Variants in CIMIP1 observed in about 807,000 individuals in gnomAD.
The protein encoded by CIMIP1 is low in lung cancer 1.
chr20:58,151,011 T>C, the CIMIP1 span: 2 of 1,608,898 alleles, frequency 1.2e-6, no homozygotes, highest in East Asian at 2.2e-5. Context: ...CGCATGAACC[T>C]TGTGGGTCAG....
the CIMIP1 span, among the ~76,000 whole-genome samples, chr20:58,159,755 T>C: frequency 2.4e-4 from 36 of 152,196 alleles, no homozygotes; most frequent in African/African-American, 8.7e-4. Flanking sequence ...CAATTTTACT[T>C]GTAGCTGGTT....
the CIMIP1 span, among the ~76,000 whole-genome samples, chr20:58,157,816 C>T: frequency 6.6e-6 from 1 of 152,220 alleles, no homozygotes; most frequent in Non-Finnish European, 1.5e-5. Context: ...GGAGCTCGCT[C>T]TCCTGTGGCC....
chr20:58,153,768 C>T, the CIMIP1 span: 60 of 643,282 alleles, frequency 9.3e-5, no homozygotes, highest in Admixed American at 5.6e-4. Context: ...AGAAGGTTCC[C>T]GCCTTTCACA....
chr20:58,156,707 G>C, the CIMIP1 span, among the ~76,000 whole-genome samples: 592 of 152,312 alleles, frequency 3.9e-3, 2 homozygotes, highest in Middle Eastern at 0.01. Context: ...CCTGAAGCCT[G>C]CACCACGGCG....
At chr20:58,152,387 C>T in the CIMIP1 span, among the ~76,000 whole-genome samples, 1 of 151,196 alleles carries the variant, frequency 6.6e-6, no homozygotes, top group Non-Finnish European at 1.5e-5. Context: ...TGGGTTCAGC[C>T]GTTAAGTGTA....
At chr20:58,155,364 A>G in the CIMIP1 span, 2 of 860,446 alleles carry the variant, frequency 2.3e-6, no homozygotes, top group Non-Finnish European at 3.7e-6. Context: ...TGGGGAGGAC[A>G]CTCCCCCAGC....
At chr20:58,160,670 T>TC in the CIMIP1 span, 44 of 1,610,778 alleles carry the variant, frequency 2.7e-5, no homozygotes, top group Non-Finnish European at 2.9e-5. Flanking sequence ...GGTCTTTCCA[T>TC]CCCCCCCAGT....
chr20:58,154,643 TTATTAA>T, the CIMIP1 span, among the ~76,000 whole-genome samples: 2 of 152,252 alleles, frequency 1.3e-5, no homozygotes, highest in Admixed American at 6.5e-5. Flanking sequence ...GAATGAGTTC[TTATTAA>T]TATAATATGC....
At chr20:58,159,711 GACAA>G in the CIMIP1 span, among the ~76,000 whole-genome samples, 1 of 152,138 alleles carries the variant, frequency 6.6e-6, no homozygotes, top group Non-Finnish European at 1.5e-5. Flanking sequence ...GGCCTGGCTG[GACAA>G]ACAGCTTTGA....
chr20:58,158,302 A>C, the CIMIP1 span, among the ~76,000 whole-genome samples: 1 of 152,234 alleles, frequency 6.6e-6, no homozygotes, highest in Non-Finnish European at 1.5e-5. Flanking sequence ...ACCTTGATTC[A>C]GGCGAGAAAG....
At chr20:58,153,517 C>T in the CIMIP1 span, 4 of 1,594,406 alleles carry the variant, frequency 2.5e-6, no homozygotes, top group East Asian at 8.9e-5. Flanking sequence ...TCCGTGTTGC[C>T]CAGCACTCAG....
chr20:58,156,077 C>T, the CIMIP1 span, among the ~76,000 whole-genome samples: 5 of 152,078 alleles, frequency 3.3e-5, no homozygotes, highest in Admixed American at 1.3e-4. Context: ...TAGAGAGTGC[C>T]GATGACAGTC....
chr20:58,158,926 C>G, the CIMIP1 span, among the ~76,000 whole-genome samples: 6 of 152,138 alleles, frequency 3.9e-5, no homozygotes, highest in African/African-American at 1.4e-4. Flanking sequence ...TTTTGTGCAC[C>G]TCTTTTCTCT....
chr20:58,159,551 G>A, the CIMIP1 span, among the ~76,000 whole-genome samples: 3 of 151,456 alleles, frequency 2.0e-5, no homozygotes, highest in Non-Finnish European at 4.4e-5. Flanking sequence ...TTGCCATATC[G>A]CCCTTGCTCC....
the CIMIP1 span, among the ~76,000 whole-genome samples, chr20:58,152,722 CAAAAAAAAA>C: frequency 1.2e-4 from 10 of 84,872 alleles, no homozygotes; most frequent in Admixed American, 4.2e-4. Flanking sequence ...GAAACTCCAT[CAAAAAAAAA>C]AAAAAAAAAA....
chr20:58,155,074 G>A, the CIMIP1 span, among the ~76,000 whole-genome samples: 2 of 152,208 alleles, frequency 1.3e-5, no homozygotes, highest in African/African-American at 4.8e-5. Context: ...CCAAAGTGTT[G>A]GGATTACAGG....
the CIMIP1 span, among the ~76,000 whole-genome samples, chr20:58,151,339 G>GT: frequency 3.8e-3 from 559 of 146,356 alleles, 10 homozygotes; most frequent in South Asian, 0.028. Context: ...ACATGTTCAT[G>GT]TTTTTTTTTT....
At chr20:58,151,092 T>C in the CIMIP1 span, 1 of 1,472,730 alleles carries the variant, frequency 6.8e-7, no homozygotes, top group Non-Finnish European at 9.3e-7. Context: ...TGTCCACATC[T>C]GGGGTCTCAG....
the CIMIP1 span, chr20:58,160,778 G>C: frequency 6.2e-7 from 1 of 1,613,850 alleles, no homozygotes; most frequent in Non-Finnish European, 8.5e-7. Flanking sequence ...CTGCAAAGGT[G>C]CTTTTGCACG....
Sources: allele counts gnomAD v4.1 joint callset (sites outside exome capture counted in the v4.1 genomes callset), GRCh38; gene constraint gnomAD v4.1.1; transcripts MANE v1.5; gene names NCBI Gene and HGNC (gene_info 2026-07-23, HGNC 2026-07-21).